VEPH1: variants seen among roughly 807,000 people sequenced by gnomAD.
VEPH1 encodes the protein ventricular zone-expressed PH domain-containing protein homolog 1.
In VEPH1, 80 loss-of-function variants were observed where a neutral mutation model predicts 85.2. The ratio of observed to expected loss-of-function variants is 0.94; its 90% CI spans 0.78 to 1.13. VEPH1 has a LOEUF of 1.13. Ranked by LOEUF, VEPH1 falls within the 50% of genes most tolerant of loss-of-function variation. The pLI is 0.00. For synonymous variants in VEPH1, 297 were observed against 348.0 expected, an observed-to-expected ratio of 0.85 and a Z score of 1.63; for missense variants, 955 against 980.5, an observed-to-expected ratio of 0.97 and a Z score of 0.35.
chr3:157,334,025 G>A (rs1722734470), intron 9 of VEPH1, among the ~76,000 whole-genome samples: 1 of 152,158 alleles, frequency 6.6e-6, no homozygotes. Flanking sequence ...GGTTTATTAT[G>A]TCCGATATGT....
chr3:157,445,044 T>G (rs1256544746), intron 4 of VEPH1, among the ~76,000 whole-genome samples: 1 of 152,168 alleles, frequency 6.6e-6, no homozygotes, highest in African/African-American at 2.4e-5. Context: ...CATATAACTA[T>G]GTTCTGACCA....
At chr3:157,386,485 C>T (rs1464078418) in intron 6 of VEPH1, among the ~76,000 whole-genome samples, 2 of 151,896 alleles carry the variant, frequency 1.3e-5, no homozygotes, top group Non-Finnish European at 2.9e-5. Flanking sequence ...CAGTGGTTTC[C>T]AGGGGGAGGC....
intron 11 of VEPH1, among the ~76,000 whole-genome samples, chr3:157,297,025 T>C (rs1367749432): frequency 6.6e-6 from 1 of 152,142 alleles, no homozygotes; most frequent in Non-Finnish European, 1.5e-5. Flanking sequence ...CCCAGCATAT[T>C]GGGAGGCTGA....
At chr3:157,313,244 G>T (rs1203543697) in intron 11 of VEPH1, among the ~76,000 whole-genome samples, 1 of 151,812 alleles carries the variant, frequency 6.6e-6, no homozygotes, top group East Asian at 1.9e-4. Context: ...ATGATGTTCA[G>T]GCTAATCTGG....
At chr3:157,500,640 G>A (rs1241893111) in intron 1 of VEPH1, among the ~76,000 whole-genome samples, 11 of 152,138 alleles carry the variant, frequency 7.2e-5, no homozygotes, top group South Asian at 2.1e-4. Context: ...ATGAAGTTTC[G>A]TCTTTTAATG....
At chr3:157,385,147 G>A (rs1387087389) in intron 6 of VEPH1, among the ~76,000 whole-genome samples, 2 of 150,208 alleles carry the variant, frequency 1.3e-5, no homozygotes, top group Non-Finnish European at 2.9e-5. Context: ...AGACTAACTT[G>A]CTCAAGGCCA....
At chr3:157,344,613 T>C (rs1031878388) in intron 9 of VEPH1, among the ~76,000 whole-genome samples, 5 of 152,210 alleles carry the variant, frequency 3.3e-5, no homozygotes, top group Non-Finnish European at 5.9e-5. Context: ...AGGTAATTTA[T>C]AGATCCAGTG....
At chr3:157,347,089 GAA>G (rs1317128954) in intron 9 of VEPH1, among the ~76,000 whole-genome samples, 1 of 151,974 alleles carries the variant, frequency 6.6e-6, no homozygotes, top group Non-Finnish European at 1.5e-5. Context: ...GAATTACTAA[GAA>G]ACTGTACAAT....
At chr3:157,305,067 TCTTC>T (rs1220283261) in intron 11 of VEPH1, among the ~76,000 whole-genome samples, 2 of 145,618 alleles carry the variant, frequency 1.4e-5, no homozygotes, top group South Asian at 2.2e-4. Flanking sequence ...TATCTATCTA[TCTTC>T]CTATCTCTCT....
chr3:157,368,417 A>G (rs953322419), intron 7 of VEPH1, among the ~76,000 whole-genome samples: 1 of 152,200 alleles, frequency 6.6e-6, no homozygotes, highest in African/African-American at 2.4e-5. Flanking sequence ...CCTCAAGGGT[A>G]AGGATTCTCA....
intron 5 of VEPH1, among the ~76,000 whole-genome samples, chr3:157,421,639 G>GA (rs1732346330): frequency 6.6e-6 from 1 of 151,994 alleles, no homozygotes; most frequent in Non-Finnish European, 1.5e-5. Context: ...GGGTGAGGGA[G>GA]AAGGTGAATC....
chr3:157,346,610 CT>C (rs5853780), intron 9 of VEPH1, among the ~76,000 whole-genome samples: 35,311 of 150,318 alleles, frequency 0.23, 4,711 homozygotes, highest in South Asian at 0.34. Context: ...GCCTTAAATA[CT>C]TTTTTTTTTC....
intron 9 of VEPH1, among the ~76,000 whole-genome samples, chr3:157,348,647 G>C (rs1209405166): frequency 6.6e-6 from 1 of 152,226 alleles, no homozygotes; most frequent in African/African-American, 2.4e-5. Context: ...ATTCTAGGCA[G>C]ATCCAATCCA....
At chr3:157,405,391 A>G (rs1178471076) in intron 6 of VEPH1, among the ~76,000 whole-genome samples, 1 of 152,128 alleles carries the variant, frequency 6.6e-6, no homozygotes, top group Admixed American at 6.6e-5. Flanking sequence ...ACGCTAAGGT[A>G]CATAGGATTA....
At chr3:157,408,523 A>C (rs568100222) in intron 6 of VEPH1, among the ~76,000 whole-genome samples, 2 of 152,168 alleles carry the variant, frequency 1.3e-5, no homozygotes, top group South Asian at 4.1e-4. Flanking sequence ...ATGAATTCAG[A>C]TGGATTTGAT....
intron 11 of VEPH1, among the ~76,000 whole-genome samples, chr3:157,293,545 G>A (rs1223674123): frequency 1.3e-5 from 2 of 152,082 alleles, no homozygotes; most frequent in Admixed American, 1.3e-4. Context: ...TCAGAGAGAA[G>A]CTCTGAAGAA....
chr3:157,327,945 T>C (rs1260994523), intron 9 of VEPH1, among the ~76,000 whole-genome samples: 3 of 152,164 alleles, frequency 2.0e-5, no homozygotes. Context: ...TGATCCCTTA[T>C]CCAAAGTTCA....
intron 4 of VEPH1, among the ~76,000 whole-genome samples, chr3:157,429,613 G>C (rs2109126194): frequency 6.6e-6 from 1 of 152,290 alleles, no homozygotes; most frequent in Admixed American, 6.5e-5. Flanking sequence ...CAGAATACAA[G>C]TTGTTGGAAA....
chr3:157,292,253 C>T (rs1040486078), intron 11 of VEPH1, among the ~76,000 whole-genome samples: 3 of 152,146 alleles, frequency 2.0e-5, no homozygotes, highest in Admixed American at 6.5e-5. Context: ...ACAAGCTCCC[C>T]GAGTTGCTCT....
Sources: gnomAD v4.1 joint callset for allele counts (sites outside exome capture counted in the v4.1 genomes callset) on GRCh38, gnomAD v4.1.1 for gene constraint, MANE v1.5 for transcripts, NCBI Gene and HGNC (gene_info 2026-07-23, HGNC 2026-07-21) for gene names.